Variants in RANBP9 observed in about 807,000 individuals in gnomAD.
The protein encoded by RANBP9 is RAN binding protein 9.
A neutral mutation model predicts 84.3 loss-of-function variants in RANBP9; 15 were observed. The observed-to-expected ratio is 0.18, with a 90% confidence interval of 0.12 to 0.27. RANBP9 has a LOEUF of 0.27. Ranked by LOEUF, RANBP9 falls within the 10% of genes least tolerant of loss-of-function variation. The pLI, the probability that RANBP9 is intolerant of heterozygous loss-of-function variation, is 1.00. For missense variants in RANBP9, 809 were observed against 912.8 expected, an observed-to-expected ratio of 0.89 and a Z score of 1.46; for synonymous variants, 392 against 349.6, an observed-to-expected ratio of 1.12 and a Z score of -1.35.
At chr6:13,647,156 G>A (rs1016243099) in intron 5 of RANBP9, among the ~76,000 whole-genome samples, 11 of 152,298 alleles carry the variant, frequency 7.2e-5, no homozygotes, top group Admixed American at 6.5e-4. Flanking sequence ...TCACTTGGAA[G>A]AGTGTATTCC....
chr6:13,662,441 G>A (rs1473253851), intron 2 of RANBP9, among the ~76,000 whole-genome samples: 2 of 152,116 alleles, frequency 1.3e-5, no homozygotes, highest in South Asian at 2.1e-4. Context: ...AATAAAAAGG[G>A]ACTACTATGG....
intron 2 of RANBP9, among the ~76,000 whole-genome samples, chr6:13,688,319 A>G (rs1466374742): frequency 6.6e-6 from 1 of 152,222 alleles, no homozygotes; most frequent in Non-Finnish European, 1.5e-5. Context: ...AGGATACCTG[A>G]GCAACTGAAG....
chr6:13,646,323 C>A (rs553122597), intron 5 of RANBP9, among the ~76,000 whole-genome samples: 1 of 152,160 alleles, frequency 6.6e-6, no homozygotes, highest in Non-Finnish European at 1.5e-5. Flanking sequence ...GAAGGATAAT[C>A]GCTTGAACCG....
chr6:13,656,584 CTGTT>C (rs1765406860), intron 4 of RANBP9, among the ~76,000 whole-genome samples: 1 of 152,056 alleles, frequency 6.6e-6, no homozygotes, highest in Non-Finnish European at 1.5e-5. Context: ...AGTTTTGTCA[CTGTT>C]TGCTTGTTTA....
intron 1 of RANBP9, among the ~76,000 whole-genome samples, chr6:13,707,244 C>T (rs1025573877): frequency 3.9e-5 from 6 of 152,050 alleles, no homozygotes; most frequent in African/African-American, 1.4e-4. Context: ...GTCTAGAACT[C>T]TTGGGCTCAA....
chr6:13,685,408 AC>A (rs1326778012), intron 2 of RANBP9, among the ~76,000 whole-genome samples: 2 of 152,150 alleles, frequency 1.3e-5, no homozygotes, highest in Non-Finnish European at 2.9e-5. Context: ...ATAATCCTCT[AC>A]AAAAAAATTC....
At chr6:13,628,368 A>G (rs1316237342) in intron 12 of RANBP9, among the ~76,000 whole-genome samples, 2 of 152,226 alleles carry the variant, frequency 1.3e-5, no homozygotes, top group South Asian at 2.1e-4. Context: ...GTACATTACT[A>G]TTGACTTAAT....
At chr6:13,658,933 T>C (rs1426035828) in intron 2 of RANBP9, 101 bp from the exon 3 acceptor site, 14 of 1,168,288 alleles carry the variant, frequency 1.2e-5, no homozygotes, top group Admixed American at 3.6e-5. Context: ...CAAGCCCAAG[T>C]TGGAACTCCT....
intron 1 of RANBP9, among the ~76,000 whole-genome samples, chr6:13,698,241 A>C (rs1163643922): frequency 6.6e-6 from 1 of 152,168 alleles, no homozygotes; most frequent in Non-Finnish European, 1.5e-5. Flanking sequence ...TAGCCTGGTG[A>C]CCATAAGGAG....
intron 2 of RANBP9, among the ~76,000 whole-genome samples, chr6:13,670,854 T>G (rs1765764809): frequency 6.6e-6 from 1 of 150,440 alleles, no homozygotes; most frequent in African/African-American, 2.4e-5. Flanking sequence ...AATTTAAAAT[T>G]TTTGTGATTT....
intron 2 of RANBP9, among the ~76,000 whole-genome samples, chr6:13,662,803 C>T (rs1412490201): frequency 6.6e-6 from 1 of 152,098 alleles, no homozygotes; most frequent in Non-Finnish European, 1.5e-5. Context: ...AAGAACCAAA[C>T]AGAAATTCTG....
intron 7 of RANBP9, 42 bp downstream of exon 7, chr6:13,642,437 A>T: frequency 8.4e-7 from 1 of 1,194,616 alleles, no homozygotes; most frequent in East Asian, 2.7e-5. Context: ...CCAAATCTAT[A>T]ATCTGAAAAC....
chr6:13,681,315 T>C (rs1766031333), intron 2 of RANBP9, among the ~76,000 whole-genome samples: 1 of 135,444 alleles, frequency 7.4e-6, no homozygotes, highest in Non-Finnish European at 1.6e-5. Context: ...GGCGTGGTTG[T>C]TATGTAATTT....
intron 2 of RANBP9, among the ~76,000 whole-genome samples, chr6:13,671,593 T>C (rs1765779963): frequency 6.6e-6 from 1 of 152,090 alleles, no homozygotes; most frequent in Admixed American, 6.5e-5. Flanking sequence ...CCAGAATAAG[T>C]AAATCCATAA....
chr6:13,641,542 G>A (rs192086789), intron 7 of RANBP9, among the ~76,000 whole-genome samples: 90 of 151,836 alleles, frequency 5.9e-4, no homozygotes, highest in African/African-American at 2.0e-3. Context: ...ACGAACATAC[G>A]AGTAATATAG....
chr6:13,626,577 CTTA>C (rs1050964517), intron 12 of RANBP9, among the ~76,000 whole-genome samples: 89 of 152,244 alleles, frequency 5.8e-4, no homozygotes, highest in African/African-American at 2.0e-3. Flanking sequence ...TAAATGACGT[CTTA>C]TTATTATGCC....
At chr6:13,629,212 G>A (rs2127760112) in intron 12 of RANBP9, among the ~76,000 whole-genome samples, 2 of 152,304 alleles carry the variant, frequency 1.3e-5, no homozygotes. Flanking sequence ...CTGGGCTCAA[G>A]CAATCCTCCT....
At position 13,705,406 on chromosome 6, in the gene RANBP9, CAAAAAAAAAAA is replaced by C. The variant is rs774239782; in HGVS notation, c.571+5518_571+5528del. ...TGGGCGACAGAGCAAGATTCTGTCT[CAAAAAAAAAAA>C]AAAAAAAAAAAAAAAAAAGAATATA... On this transcript the variant is annotated intron_variant, in intron 1 of 13. Coordinates refer to ENST00000011619, the MANE Select transcript of RANBP9 (RefSeq NM_005493.3). 1.7e-3 allele frequency among the ~76,000 whole-genome samples: 46 copies of C among 26,768 alleles called. No homozygotes were observed. The South Asian group carries it at 0.036, about 21-fold the overall frequency. The allele number at this position is 26,768 out of a possible 152,430, so 17.6% of individuals were successfully genotyped here.
At chr6:13,662,287 C>G (rs1379882478) in intron 2 of RANBP9, among the ~76,000 whole-genome samples, 1 of 152,104 alleles carries the variant, frequency 6.6e-6, no homozygotes, top group African/African-American at 2.4e-5. Flanking sequence ...AAAGAAAGCA[C>G]AAACAGGGAA....
Sources: gnomAD v4.1 joint callset for allele counts (sites outside exome capture counted in the v4.1 genomes callset) on GRCh38, gnomAD v4.1.1 for gene constraint, MANE v1.5 for transcripts, NCBI Gene and HGNC (gene_info 2026-07-23, HGNC 2026-07-21) for gene names.